The following HGF variants were observed in gnomAD, a reference collection of about 807,000 sequenced individuals.
HGF encodes hepatocyte growth factor.
In HGF, 39 loss-of-function variants were observed where a neutral mutation model predicts 111.6. That is an observed-to-expected ratio of 0.35 (90% CI 0.27 to 0.46). The LOEUF is 0.46. HGF is among the 20% of genes least tolerant of loss of function. The pLI is 1.00. For synonymous variants in HGF, 285 were observed against 294.8 expected (o/e 0.97, Z 0.34); for missense variants, 735 against 910.5 (o/e 0.81, Z 2.48).
chr7:81,724,568 A>G (rs958362401), intron 9 of HGF, among the ~76,000 whole-genome samples: 3 of 152,178 alleles, frequency 2.0e-5, no homozygotes, highest in Non-Finnish European at 2.9e-5. Flanking sequence ...TCTTTGAAAA[A>G]TCTACCTTTT....
chr7:81,742,804 G>A (rs1353563129), intron 7 of HGF: 10 of 1,549,114 alleles, frequency 6.5e-6, no homozygotes, highest in African/African-American at 1.4e-5. Flanking sequence ...TGCAGGCTGG[G>A]TACAAAGACA....
chr7:81,720,837 A>G lies in HGF; in HGVS notation c.1179T>C (p.Arg393=), dbSNP rs377036882. 6.3e-7 allele frequency: 1 copy of G among 1,581,576 alleles called. No individual in the cohort carries two copies. The highest frequency in any genetic ancestry group is 8.7e-7 in the Non-Finnish European group (1 of 1,150,372). The change falls in exon 10 of 18, where the codon CGT becomes CGC. Residue 393 remains arginine (R), a synonymous_variant. Coordinates refer to ENST00000222390, the MANE Select transcript of HGF (RefSeq NM_000601.6). ...TGCCCATATAATTTTTGCCATTCCCACGATAACAATCTAGACATAAAATAT... is the reference window on the plus strand; with the variant it reads ...TGCCCATATAATTTTTGCCATTCCCGCGATAACAATCTAGACATAAAATAT... ...CDMSHGQDCY[R]GNGKNYMGNL...
intron 1 of HGF, 190 bp from the exon 2 acceptor site, chr7:81,763,062 A>G (rs575281646): frequency 3.5e-6 from 2 of 574,542 alleles, no homozygotes; most frequent in East Asian, 2.9e-5. Flanking sequence ...GTAATCAAGG[A>G]AAAACAAATA....
chr7:81,763,070 A>C (rs1462503551), intron 1 of HGF, 198 bp from the exon 2 acceptor site: 5 of 564,486 alleles, frequency 8.9e-6, no homozygotes, highest in Middle Eastern at 4.7e-4. Flanking sequence ...GGAAAAACAA[A>C]TAACTTGTCA....
chr7:81,762,641 A>T, intron 2 of HGF, 66 bp downstream of exon 2: 6 of 1,146,652 alleles, frequency 5.2e-6, no homozygotes, highest in Non-Finnish European at 7.9e-6. Context: ...CACAAAAGAC[A>T]CATGATTATA....
chr7:81,737,580 A>G (rs1280003743), intron 7 of HGF, among the ~76,000 whole-genome samples: 1 of 152,082 alleles, frequency 6.6e-6, no homozygotes, highest in Non-Finnish European at 1.5e-5. Flanking sequence ...TGATATCCTG[A>G]AAGACTGATG....
rs1787566435 is a variant in HGF, at chr7:81,729,588, T to C, written c.1040+17A>G. 2.5e-6 allele frequency: 4 copies of C among 1,595,436 alleles called. No individual in the cohort carries two copies. The highest frequency in any genetic ancestry group is 1.7e-5 in the Admixed American group (1 of 59,970). On this transcript the variant is annotated intron_variant, in intron 8 of 17. Transcript: ENST00000222390. ...CAGGGCCTACTGAAATGTATAACATTTGCCTACTTTACTCACTTGCACTTG... is the reference window on the plus strand; with the variant it reads ...CAGGGCCTACTGAAATGTATAACATCTGCCTACTTTACTCACTTGCACTTG...
chr7:81,724,696 G>A (rs187678157), intron 9 of HGF, among the ~76,000 whole-genome samples: 32 of 152,234 alleles, frequency 2.1e-4, no homozygotes, highest in African/African-American at 7.5e-4. Context: ...TTTCTTTATG[G>A]TAGAATGATG....
Position 81,757,138 on chromosome 7 carries a change from A to G in HGF, c.482+51T>C, listed in dbSNP as rs1453851421. 3.3e-6 allele frequency: 3 copies of G among 917,630 alleles called. No homozygotes were observed. The South Asian group carries it at 3.9e-5, about 12-fold the overall frequency. The allele number at this position is 917,630 out of a possible 1,614,324, so 56.8% of individuals were successfully genotyped here. Reference sequence around the variant, plus strand: ...TCTGAAGGACTAATATGAGACTGTTAACATGTAAAAAAGACAGAGGCTTCA... The same window carrying G: ...TCTGAAGGACTAATATGAGACTGTTGACATGTAAAAAAGACAGAGGCTTCA... On this transcript the variant is annotated intron_variant, in intron 4 of 17. Transcript: ENST00000222390.
chr7:81,713,576 G>A (rs1789629867), intron 11 of HGF, among the ~76,000 whole-genome samples: 1 of 151,880 alleles, frequency 6.6e-6, no homozygotes, highest in Non-Finnish European at 1.5e-5. Flanking sequence ...TACATTTTGG[G>A]TTTTAATAAT....
At chr7:81,710,837 G>A (rs768439909) in intron 12 of HGF, among the ~76,000 whole-genome samples, 13 of 151,938 alleles carry the variant, frequency 8.6e-5, no homozygotes, top group East Asian at 1.9e-4. Context: ...TGTGCTCCTC[G>A]CCTTATCCCC....
Position 81,733,274 on chromosome 7 carries a change from A to G in HGF, c.866-3495T>C, listed in dbSNP as rs986366322. On this transcript the variant is annotated intron_variant, in intron 7 of 17. Coordinates refer to ENST00000222390, the MANE Select transcript of HGF (RefSeq NM_000601.6). ...AAAACCTTTTCAAATTTTTTAAATTATAGAATACAAAGAATTACTGTAATT... is the reference window on the plus strand; with the variant it reads ...AAAACCTTTTCAAATTTTTTAAATTGTAGAATACAAAGAATTACTGTAATT... Among the ~76,000 whole-genome samples the G allele has an allele frequency of 2.6e-5, 4 of 151,900 alleles. 1 individual carries two copies. The highest frequency in any genetic ancestry group is 9.7e-5 in the African/African-American group (4 of 41,446).
intron 8 of HGF, among the ~76,000 whole-genome samples, chr7:81,726,829 C>T (rs1790024729): frequency 6.6e-6 from 1 of 151,758 alleles, no homozygotes; most frequent in African/African-American, 2.4e-5. Flanking sequence ...ATAAGGTTCA[C>T]ATTAAATAAA....
intron 13 of HGF, among the ~76,000 whole-genome samples, chr7:81,708,133 G>T (rs1583917384): frequency 6.6e-6 from 1 of 151,974 alleles, no homozygotes; most frequent in East Asian, 1.9e-4. Context: ...GTGCTTCAGA[G>T]GGTAATACTA....
In HGF at chr7:81,699,435, T is replaced by G. The variant is rs919082142; in HGVS notation, c.*3146A>C. 1 of 151,658 alleles carries G rather than the reference T, an allele frequency of 6.6e-6. No individual in the cohort carries two copies. Among genetic ancestry groups the G allele is most frequent in the Non-Finnish European group, 1.5e-5 (1 of 67,696 alleles). 9.4% of individuals were successfully genotyped at this position (151,658 alleles called of 1,614,324 possible). On this transcript the variant is annotated 3_prime_UTR_variant, in exon 18 of 18. Coordinates refer to ENST00000222390, the MANE Select transcript of HGF (RefSeq NM_000601.6). ...TTATGTATTTTAAAAACAAAGGCCATGTACTTTTACCAAAATTAGTTTTAT... is the reference window on the plus strand; with the variant it reads ...TTATGTATTTTAAAAACAAAGGCCAGGTACTTTTACCAAAATTAGTTTTAT...
Position 81,699,705 on chromosome 7 carries a change from CA to C in HGF, c.*2875del, listed in dbSNP as rs974297266. On this transcript the variant is annotated 3_prime_UTR_variant, in exon 18 of 18. Coordinates refer to ENST00000222390, the MANE Select transcript of HGF (RefSeq NM_000601.6). ...AAGAGAATGTTGTGGCTATAACATT[CA>C]CTTTGTACAGTACCATTGGTACCAA... 6.6e-6 allele frequency: 1 copy of C among 151,600 alleles called. No individual in the cohort carries two copies. Among genetic ancestry groups the C allele is most frequent in the Non-Finnish European group, 1.5e-5 (1 of 67,690 alleles). The allele number at this position is 151,600 out of a possible 1,614,324, so 9.4% of individuals were successfully genotyped here.
chr7:81,737,249 C>T (rs1787861386), intron 7 of HGF, among the ~76,000 whole-genome samples: 1 of 151,956 alleles, frequency 6.6e-6, no homozygotes, highest in Admixed American at 6.6e-5. Flanking sequence ...GAAACAGACC[C>T]TCCCATCTCC....
intron 8 of HGF, 36 bp downstream of exon 8, chr7:81,729,569 C>T: frequency 6.6e-7 from 1 of 1,516,058 alleles, no homozygotes; most frequent in Non-Finnish European, 9.2e-7. Context: ...TCCCCAGGGC[C>T]TACTGAAATG....
At chr7:81,744,082 G>T (rs1454312854) in intron 6 of HGF, among the ~76,000 whole-genome samples, 1 of 152,086 alleles carries the variant, frequency 6.6e-6, no homozygotes, top group Non-Finnish European at 1.5e-5. Flanking sequence ...TGGAAAATAA[G>T]CTGGAGTTTT....
Sources: allele counts gnomAD v4.1 joint callset (sites outside exome capture counted in the v4.1 genomes callset), GRCh38; gene constraint gnomAD v4.1.1; transcripts MANE v1.5; gene names NCBI Gene and HGNC (gene_info 2026-07-23, HGNC 2026-07-21).